Variants in PDE1C observed in about 807,000 individuals in gnomAD.
PDE1C encodes the protein dual specificity calcium/calmodulin-dependent 3',5'-cyclic nucleotide phosphodiesterase 1C.
PDE1C carries 62 observed loss-of-function variants against 93.1 expected under a neutral mutation model. The observed-to-expected ratio is 0.67, with a 90% CI of 0.54 to 0.82. PDE1C has a LOEUF of 0.82. Ranked by LOEUF, PDE1C falls within the 40% of genes least tolerant of loss-of-function variation. The pLI is 0.00. For synonymous variants in PDE1C, 325 were observed against 310.1 expected (o/e 1.05, Z -0.50); for missense variants, 742 against 884.6 (o/e 0.84, Z 2.04).
chr7:32,033,999 G>A (rs1229625194), intron 2 of PDE1C, among the ~76,000 whole-genome samples: 2 of 151,688 alleles, frequency 1.3e-5, no homozygotes, highest in African/African-American at 2.4e-5. Context: ...ACAATTTTAT[G>A]TTAATAAAAT....
At chr7:32,235,340 C>A in intron 1 of PDE1C, among the ~76,000 whole-genome samples, 1 of 151,222 alleles carries the variant, frequency 6.6e-6, no homozygotes, top group East Asian at 1.9e-4. Flanking sequence ...AGAGGTCAAG[C>A]ATATTAGAAA....
At chr7:32,013,526 T>G (rs534681515) in intron 2 of PDE1C, among the ~76,000 whole-genome samples, 4 of 152,356 alleles carry the variant, frequency 2.6e-5, no homozygotes, top group South Asian at 2.1e-4. Flanking sequence ...ATTCTGTATT[T>G]GTCCTGATTG....
At chr7:31,795,418 G>C (rs1475837861) in intron 16 of PDE1C, among the ~76,000 whole-genome samples, 2 of 151,640 alleles carry the variant, frequency 1.3e-5, no homozygotes, top group African/African-American at 4.8e-5. Context: ...TTGAACATCA[G>C]TATTAAGGAA....
At chr7:32,307,013 T>A (rs1449126936) in intron 1 of PDE1C, among the ~76,000 whole-genome samples, 1 of 152,226 alleles carries the variant, frequency 6.6e-6, no homozygotes, top group African/African-American at 2.4e-5. Flanking sequence ...ACATGCTCTA[T>A]CAACTCTTCT....
the PDE1C span, among the ~76,000 whole-genome samples, chr7:31,647,230 A>G: frequency 6.6e-6 from 1 of 152,240 alleles, no homozygotes; most frequent in African/African-American, 2.4e-5. Context: ...GTAAGGCCTG[A>G]AAACTGTTCT....
the PDE1C span, among the ~76,000 whole-genome samples, chr7:31,626,481 T>C: frequency 6.6e-6 from 1 of 152,254 alleles, no homozygotes; most frequent in Non-Finnish European, 1.5e-5. Flanking sequence ...GTTTGCATTT[T>C]ACTATTTCCT....
At chr7:31,884,374 C>G (rs1485944734) in intron 2 of PDE1C, among the ~76,000 whole-genome samples, 1 of 151,942 alleles carries the variant, frequency 6.6e-6, no homozygotes, top group Non-Finnish European at 1.5e-5. Context: ...ACCCATAGAT[C>G]TCTGAAACAA....
chr7:31,921,335 C>T (rs1802597011), intron 2 of PDE1C, among the ~76,000 whole-genome samples: 1 of 152,144 alleles, frequency 6.6e-6, no homozygotes, highest in Non-Finnish European at 1.5e-5. Context: ...GGACACTGTG[C>T]ATTCTTGTAG....
chr7:31,972,665 T>C (rs75923015), intron 2 of PDE1C, among the ~76,000 whole-genome samples: 2,743 of 152,116 alleles, frequency 0.018, 86 homozygotes, highest in African/African-American at 0.063. Context: ...CATAAGAACA[T>C]TCTGAAAGGT....
chr7:31,700,395 G>C, the PDE1C span, among the ~76,000 whole-genome samples: 1 of 152,304 alleles, frequency 6.6e-6, no homozygotes, highest in East Asian at 1.9e-4. Flanking sequence ...TGAAGGTTGA[G>C]AGAGGGGAGG....
intron 3 of PDE1C, among the ~76,000 whole-genome samples, chr7:32,092,924 A>C (rs950498369): frequency 5.9e-5 from 9 of 152,184 alleles, no homozygotes; most frequent in African/African-American, 2.2e-4. Flanking sequence ...AATTGGCCCA[A>C]AGTGATCCAC....
intron 16 of PDE1C, among the ~76,000 whole-genome samples, chr7:31,792,102 T>G (rs1784649517): frequency 6.6e-6 from 1 of 152,120 alleles, no homozygotes; most frequent in Non-Finnish European, 1.5e-5. Context: ...TAGCTGGGTC[T>G]GTGACGTGAT....
intron 17 of PDE1C, among the ~76,000 whole-genome samples, chr7:31,764,112 T>C (rs911137751): frequency 9.2e-5 from 14 of 151,982 alleles, no homozygotes; most frequent in Non-Finnish European, 1.8e-4. Context: ...CTAAACCATT[T>C]AGGCAATGCA....
At chr7:31,709,420 C>G in the PDE1C span, among the ~76,000 whole-genome samples, 1 of 152,184 alleles carries the variant, frequency 6.6e-6, no homozygotes, top group Non-Finnish European at 1.5e-5. Flanking sequence ...CTAAAATGCT[C>G]AATCCAACTG....
rs539889909 is a variant in PDE1C, at chr7:32,018,036, C to T, written c.128+33518G>A. Among the ~76,000 whole-genome samples the T allele has an allele frequency of 4.0e-5, 6 of 151,662 alleles. No individual in the cohort carries two copies. The South Asian group carries it at 1.1e-3, about 27-fold the overall frequency. On this transcript the variant is annotated intron_variant, in intron 2 of 17. Coordinates refer to ENST00000396191, the MANE Select transcript of PDE1C (RefSeq NM_001191057.4). ...TGGAGGTTGCAGTAAACCAAGATTC[C>T]ACCACTGCATTCCAGATTCCACCCT...
At chr7:32,362,788 C>T (rs1282725381) in intron 1 of PDE1C, among the ~76,000 whole-genome samples, 4 of 152,180 alleles carry the variant, frequency 2.6e-5, no homozygotes, top group Admixed American at 2.6e-4. Context: ...GCTGATGCAG[C>T]GTCTGCTGCA....
At chr7:32,108,415 T>C (rs1050177499) in intron 3 of PDE1C, among the ~76,000 whole-genome samples, 16 of 143,048 alleles carry the variant, frequency 1.1e-4, no homozygotes, top group Non-Finnish European at 2.3e-4. Context: ...AAGTCTTCCA[T>C]AGAGTACAGA....
chr7:31,773,075 G>A (rs1055226412), intron 17 of PDE1C, among the ~76,000 whole-genome samples: 2 of 152,232 alleles, frequency 1.3e-5, no homozygotes, highest in African/African-American at 4.8e-5. Context: ...CCCTCAGGAT[G>A]TGAAGCACAG....
At chr7:32,371,075 A>G (rs1784323881) in intron 1 of PDE1C, among the ~76,000 whole-genome samples, 1 of 150,956 alleles carries the variant, frequency 6.6e-6, no homozygotes, top group East Asian at 1.9e-4. Context: ...CCTCCCCAGC[A>G]TCATCTCACA....
Sources: gnomAD v4.1 joint callset for allele counts (sites outside exome capture counted in the v4.1 genomes callset) on GRCh38, gnomAD v4.1.1 for gene constraint, MANE v1.5 for transcripts, NCBI Gene and HGNC (gene_info 2026-07-23, HGNC 2026-07-21) for gene names.